Variants in PTPRD observed in about 807,000 individuals in gnomAD.
PTPRD encodes protein tyrosine phosphatase receptor type D, also known as receptor-type tyrosine-protein phosphatase delta.
PTPRD carries 34 observed loss-of-function variants against 214.5 expected under a neutral mutation model. The observed-to-expected ratio is 0.16, with a 90% CI of 0.12 to 0.21. The LOEUF (loss-of-function observed/expected upper bound fraction) is 0.21. Ranked by LOEUF, PTPRD falls within the 10% of genes least tolerant of loss-of-function variation. The pLI, the probability that PTPRD is intolerant of heterozygous loss-of-function variation, is 1.00. For missense variants in PTPRD, 2,545 were observed against 2,398.7 expected (o/e 1.06, Z -1.27); for synonymous variants, 1,128 against 845.7 (o/e 1.33, Z -5.79).
In PTPRD at chr9:9,579,670, C is replaced by G. The variant is rs544943765; in HGVS notation, c.-286-4889G>C. The stretch of plus-strand genomic sequence containing the variant: ...TACAGTTGAGTTTTAAGCACAAACT[C>G]TCCTACCCTTCAGTTAGATGTAGCT... On this transcript the variant is annotated intron_variant, in intron 7 of 45. Coordinates refer to ENST00000381196, the MANE Select transcript of PTPRD (RefSeq NM_002839.4). Among the ~76,000 whole-genome samples, 52 of 152,104 alleles carry G rather than the reference C, an allele frequency of 3.4e-4. 1 individual carries two copies. Among genetic ancestry groups the G allele is most frequent in the Non-Finnish European group, 1.5e-4 (10 of 68,022 alleles).
intron 15 of PTPRD, chr9:8,528,354 G>T (rs1479609113): frequency 5.3e-6 from 3 of 569,920 alleles, no homozygotes; most frequent in South Asian, 4.9e-5. Context: ...AGTCACAGCA[G>T]TGAGCAATGT....
chr9:10,138,569 C>A (rs1018893509), intron 3 of PTPRD, among the ~76,000 whole-genome samples: 1 of 151,996 alleles, frequency 6.6e-6, no homozygotes, highest in Non-Finnish European at 1.5e-5. Context: ...TTCTATGAAG[C>A]CAACATCATC....
rs182482767 is a variant in PTPRD, at chr9:9,422,256, G to C, written c.-236-24774C>G. 1.8e-3 allele frequency among the ~76,000 whole-genome samples: 275 copies of C among 152,224 alleles called. 3 individuals carry two copies. Among genetic ancestry groups the C allele is most frequent in the South Asian group, 2.9e-3 (14 of 4,826 alleles). On this transcript the variant is annotated intron_variant, in intron 8 of 45. Coordinates refer to ENST00000381196, the MANE Select transcript of PTPRD (RefSeq NM_002839.4). ...CAAAGAGGTTAAGTAGCTTGCTCCA[G>C]GTCACACAGCTAAGGTCCCAGTTCT... is the stretch of plus-strand genomic sequence containing the variant.
At chr9:8,846,693 C>T (rs2097703738) in intron 11 of PTPRD, among the ~76,000 whole-genome samples, 1 of 152,068 alleles carries the variant, frequency 6.6e-6, no homozygotes, top group Admixed American at 6.6e-5. Context: ...TGGGAAACAG[C>T]AAATACTTTA....
chr9:9,428,453 C>G (rs202047065), intron 8 of PTPRD, among the ~76,000 whole-genome samples: 9,949 of 152,072 alleles, frequency 0.065, 352 homozygotes, highest in Middle Eastern at 0.17. Flanking sequence ...CAATAATAAT[C>G]GGAGACTTTA....
chr9:9,315,608 T>C (rs904811928), intron 9 of PTPRD, among the ~76,000 whole-genome samples: 3 of 151,944 alleles, frequency 2.0e-5, no homozygotes, highest in East Asian at 3.9e-4. Flanking sequence ...TCCCTAAATA[T>C]ACTGATTTAT....
intron 3 of PTPRD, among the ~76,000 whole-genome samples, chr9:10,252,280 A>C (rs1199490989): frequency 6.6e-6 from 1 of 152,200 alleles, no homozygotes; most frequent in Non-Finnish European, 1.5e-5. Flanking sequence ...AAAATGCAAT[A>C]GTGTCTGTGT....
In PTPRD at chr9:10,144,284, C is replaced by T. The variant is rs147844324; in HGVS notation, c.-544-110494G>A. On this transcript the variant is annotated intron_variant, in intron 3 of 45. Coordinates refer to ENST00000381196, the MANE Select transcript of PTPRD (RefSeq NM_002839.4). ...TAATACTCTTCTCTCCAAAAAGTAACATCTGTTCCCCATTTACTGCCCATA... is the reference window on the plus strand; with the variant it reads ...TAATACTCTTCTCTCCAAAAAGTAATATCTGTTCCCCATTTACTGCCCATA... Among the ~76,000 whole-genome samples, 442 of 152,072 alleles carry T rather than the reference C, an allele frequency of 2.9e-3. 4 individuals carry two copies. The highest frequency in any genetic ancestry group is 9.2e-3 in the African/African-American group (380 of 41,498).
intron 9 of PTPRD, among the ~76,000 whole-genome samples, chr9:9,361,818 T>C (rs1049599204): frequency 6.6e-6 from 1 of 151,102 alleles, no homozygotes; most frequent in African/African-American, 2.4e-5. Flanking sequence ...TAGTAACTAC[T>C]ATTCAATTAA....
chr9:9,996,930 A>T (rs1037634070), intron 4 of PTPRD, among the ~76,000 whole-genome samples: 1 of 152,230 alleles, frequency 6.6e-6, no homozygotes, highest in Non-Finnish European at 1.5e-5. Context: ...AAAAACATAC[A>T]TTTGGAAACA....
At chr9:9,920,893 G>C (rs1354984927) in intron 5 of PTPRD, among the ~76,000 whole-genome samples, 1 of 152,068 alleles carries the variant, frequency 6.6e-6, no homozygotes, top group African/African-American at 2.4e-5. Flanking sequence ...AACGAAGAAG[G>C]ATTTAAGATA....
chr9:8,909,847 G>T (rs1268615686), intron 11 of PTPRD, among the ~76,000 whole-genome samples: 1 of 137,838 alleles, frequency 7.3e-6, no homozygotes, highest in Non-Finnish European at 1.5e-5. Flanking sequence ...AAGGGAGATG[G>T]AGAGAGAGAT....
chr9:9,832,968 C>A (rs2055411876), intron 5 of PTPRD, among the ~76,000 whole-genome samples: 1 of 151,116 alleles, frequency 6.6e-6, no homozygotes, highest in African/African-American at 2.4e-5. Context: ...TTATTTTATA[C>A]TTGTGGGAAA....
At chr9:10,572,411 T>A (rs2067743228) in intron 2 of PTPRD, among the ~76,000 whole-genome samples, 1 of 152,216 alleles carries the variant, frequency 6.6e-6, no homozygotes, top group Non-Finnish European at 1.5e-5. Flanking sequence ...CATCATTGTC[T>A]TCTGGACAAA....
chr9:10,237,874 T>C (rs2099634156), intron 3 of PTPRD, among the ~76,000 whole-genome samples: 1 of 151,948 alleles, frequency 6.6e-6, no homozygotes, highest in African/African-American at 2.4e-5. Context: ...GACTTCCAAA[T>C]AGATAAAATC....
intron 8 of PTPRD, among the ~76,000 whole-genome samples, chr9:9,574,314 G>T (rs908076101): frequency 6.6e-6 from 1 of 151,850 alleles, no homozygotes; most frequent in African/African-American, 2.4e-5. Flanking sequence ...ACTTCCTGGA[G>T]CTCTAACATC....
intron 10 of PTPRD, among the ~76,000 whole-genome samples, chr9:9,115,861 A>G (rs561711358): frequency 2.0e-5 from 3 of 152,180 alleles, no homozygotes; most frequent in Non-Finnish European, 4.4e-5. Context: ...TAGAAAATGT[A>G]TATACCCATC....
chr9:9,906,161 T>C (rs771677650), intron 5 of PTPRD, among the ~76,000 whole-genome samples: 2 of 151,870 alleles, frequency 1.3e-5, no homozygotes, highest in Non-Finnish European at 2.9e-5. Flanking sequence ...GAAGAGAGTG[T>C]CAGGCTCTAG....
intron 2 of PTPRD, among the ~76,000 whole-genome samples, chr9:10,585,032 C>A (rs1222482415): frequency 6.6e-6 from 1 of 152,052 alleles, no homozygotes; most frequent in East Asian, 1.9e-4. Context: ...ACTAATCTCA[C>A]CTCCATTTCA....
Sources: gnomAD v4.1 joint callset for allele counts (sites outside exome capture counted in the v4.1 genomes callset) on GRCh38, gnomAD v4.1.1 for gene constraint, MANE v1.5 for transcripts, NCBI Gene and HGNC (gene_info 2026-07-23, HGNC 2026-07-21) for gene names.